The following PCDH15 variants were observed in gnomAD, a reference collection of about 807,000 sequenced individuals.
PCDH15 encodes protocadherin-15.
A neutral mutation model predicts 178.5 loss-of-function variants in PCDH15; 129 were observed. The observed-to-expected ratio is 0.72, with a 90% CI of 0.63 to 0.84. The LOEUF (loss-of-function observed/expected upper bound fraction) is 0.84, where lower values mean the gene tolerates loss of function less well. Ranked by LOEUF, PCDH15 falls within the 40% of genes least tolerant of loss-of-function variation. PCDH15 has a pLI of 0.00. For synonymous variants in PCDH15, 800 were observed against 732.0 expected, an observed-to-expected ratio of 1.09 and a Z score of -1.50; for missense variants, 2,230 against 2,099.9, an observed-to-expected ratio of 1.06 and a Z score of -1.21.
chr10:54,353,417 T>C (rs1322951456), intron 5 of PCDH15, among the ~76,000 whole-genome samples: 2 of 152,142 alleles, frequency 1.3e-5, no homozygotes, highest in African/African-American at 2.4e-5. Flanking sequence ...AATGCAGAGA[T>C]CTTAAATATT....
intron 11 of PCDH15, among the ~76,000 whole-genome samples, chr10:54,192,170 GAA>G (rs773172728): frequency 2.4e-5 from 3 of 122,564 alleles, no homozygotes; most frequent in Admixed American, 8.3e-5. Flanking sequence ...AAGAAAGAAA[GAA>G]AAAGAAAGAG....
intron 2 of PCDH15, among the ~76,000 whole-genome samples, chr10:55,043,654 T>TAGCC (rs1262664626): frequency 1.3e-5 from 2 of 151,846 alleles, no homozygotes. Flanking sequence ...ATGCTACAGT[T>TAGCC]AGCCATGATT....
At chr10:54,369,029 A>C in intron 5 of PCDH15, 91 bp downstream of exon 5, 1 of 1,429,888 alleles carries the variant, frequency 7.0e-7, no homozygotes. Flanking sequence ...TAAGCTCATA[A>C]TTTTAAAGGA....
intron 2 of PCDH15, among the ~76,000 whole-genome samples, chr10:55,619,623 G>A (rs1843548082): frequency 6.6e-6 from 1 of 151,962 alleles, no homozygotes; most frequent in African/African-American, 2.4e-5. Context: ...TAAATGTAAT[G>A]TACTTAAAGT....
chr10:55,062,306 C>T (rs151277279), intron 2 of PCDH15, among the ~76,000 whole-genome samples: 3 of 152,254 alleles, frequency 2.0e-5, no homozygotes, highest in Admixed American at 6.5e-5. Flanking sequence ...AAGCTGGTCC[C>T]ACTGACATCA....
At chr10:54,191,702 T>A (rs1486424609) in intron 11 of PCDH15, among the ~76,000 whole-genome samples, 1 of 145,946 alleles carries the variant, frequency 6.9e-6, no homozygotes, top group Non-Finnish European at 1.5e-5. Flanking sequence ...GGTCAGGAGT[T>A]CCAGACCAAC....
At chr10:54,070,250 C>T (rs1232057634) in intron 17 of PCDH15, among the ~76,000 whole-genome samples, 2 of 152,242 alleles carry the variant, frequency 1.3e-5, no homozygotes, top group Non-Finnish European at 2.9e-5. Flanking sequence ...GTCATTCAGG[C>T]TGGAGTGCAG....
Position 55,277,316 on chromosome 10 carries a change from T to C in PCDH15, c.-156+42283A>G, listed in dbSNP as rs7071730. Among the ~76,000 whole-genome samples the C allele has an allele frequency of 3.0e-3, 449 of 152,146 alleles. 1 individual carries two copies. Among genetic ancestry groups the C allele is most frequent in the African/African-American group, 0.01 (423 of 41,550 alleles). On this transcript the variant is annotated intron_variant, in intron 1 of 5. Transcript: ENST00000458638. The stretch of plus-strand genomic sequence containing the variant: ...TAGTTTATGATTAGTATATTAACTG[T>C]ATATTAATTTAAAAGTATACTCCCT...
At chr10:54,279,522 T>C (rs1285162324) in intron 8 of PCDH15, among the ~76,000 whole-genome samples, 1 of 151,630 alleles carries the variant, frequency 6.6e-6, no homozygotes, top group Non-Finnish European at 1.5e-5. Context: ...CAGTCTTAGA[T>C]AACAAGAAAA....
At chr10:54,255,247 C>T (rs2056809266) in intron 8 of PCDH15, among the ~76,000 whole-genome samples, 1 of 152,154 alleles carries the variant, frequency 6.6e-6, no homozygotes, top group South Asian at 2.1e-4. Flanking sequence ...TTGTTTCTCT[C>T]TCAGTACTCT....
intron 1 of PCDH15, among the ~76,000 whole-genome samples, chr10:54,737,316 C>T (rs1944249571): frequency 6.6e-6 from 1 of 152,054 alleles, no homozygotes; most frequent in Non-Finnish European, 1.5e-5. Flanking sequence ...AAGCTGTAAC[C>T]ATAAAGCTGA....
intron 13 of PCDH15, among the ~76,000 whole-genome samples, chr10:54,172,780 T>G (rs1156563946): frequency 1.3e-5 from 2 of 151,756 alleles, no homozygotes; most frequent in Middle Eastern, 3.2e-3. Context: ...GTAAAAACAA[T>G]CACATACAAA....
intron 1 of PCDH15, among the ~76,000 whole-genome samples, chr10:54,795,107 T>C (rs1463146379): frequency 2.0e-5 from 3 of 151,878 alleles, no homozygotes; most frequent in Non-Finnish European, 4.4e-5. Context: ...TTTCTTGAAA[T>C]TCAGAAAAAG....
At chr10:54,085,786 A>T (rs1256144567) in intron 16 of PCDH15, among the ~76,000 whole-genome samples, 1 of 152,146 alleles carries the variant, frequency 6.6e-6, no homozygotes, top group Non-Finnish European at 1.5e-5. Context: ...CATTAAGATG[A>T]TTATTCATTA....
intron 18 of PCDH15, among the ~76,000 whole-genome samples, chr10:54,054,398 G>T (rs1294847318): frequency 6.6e-6 from 1 of 152,034 alleles, no homozygotes. Context: ...GCAGGTAGTA[G>T]AATCTTAAGA....
intron 2 of PCDH15, among the ~76,000 whole-genome samples, chr10:54,954,368 C>A (rs963696479): frequency 6.6e-6 from 1 of 151,174 alleles, no homozygotes; most frequent in Non-Finnish European, 1.5e-5. Context: ...TATCTTCCTA[C>A]AGGTTAATAT....
At chr10:54,097,314 T>A (rs918007606) in intron 15 of PCDH15, among the ~76,000 whole-genome samples, 1 of 152,224 alleles carries the variant, frequency 6.6e-6, no homozygotes, top group Non-Finnish European at 1.5e-5. Context: ...TACTTTACTC[T>A]GTAAGGAGGA....
intron 2 of PCDH15, among the ~76,000 whole-genome samples, chr10:55,152,709 T>C (rs188456137): frequency 2.7e-4 from 41 of 152,194 alleles, no homozygotes; most frequent in African/African-American, 8.4e-4. Flanking sequence ...TTCAAGAAAA[T>C]AGGAAGAGTT....
chr10:54,042,487 A>G (rs1453287451), intron 18 of PCDH15, among the ~76,000 whole-genome samples: 1 of 152,112 alleles, frequency 6.6e-6, no homozygotes, highest in Non-Finnish European at 1.5e-5. Context: ...CTTGCAAAAG[A>G]TGTCTTTTTG....
Sources: gnomAD v4.1 joint callset for allele counts (sites outside exome capture counted in the v4.1 genomes callset) on GRCh38, gnomAD v4.1.1 for gene constraint, MANE v1.5 for transcripts, NCBI Gene and HGNC (gene_info 2026-07-23, HGNC 2026-07-21) for gene names.